Variants in MAGI1 observed in about 807,000 individuals in gnomAD.
The protein encoded by MAGI1 is membrane associated guanylate kinase, WW and PDZ domain containing 1, also known as membrane-associated guanylate kinase, WW and PDZ domain-containing protein 1.
MAGI1 carries 58 observed loss-of-function variants against 139.9 expected under a neutral mutation model. The ratio of observed to expected loss-of-function variants is 0.41; its 90% CI spans 0.34 to 0.52. The LOEUF (loss-of-function observed/expected upper bound fraction) is 0.52. Among genes scored for constraint, MAGI1 ranks in the 20% least tolerant of loss-of-function variants. MAGI1 has a pLI of 0.12. For synonymous variants in MAGI1, 812 were observed against 737.9 expected (o/e 1.10, Z -1.63); for missense variants, 1,874 against 1,901.6 (o/e 0.99, Z 0.27).
intron 1 of MAGI1, among the ~76,000 whole-genome samples, chr3:65,738,967 A>G (rs1350870124): frequency 2.6e-5 from 4 of 152,170 alleles, no homozygotes; most frequent in Non-Finnish European, 5.9e-5. Context: ...GTCACCAGCT[A>G]CGTTACCACC....
chr3:65,601,658 T>A (rs1397015920), intron 2 of MAGI1, among the ~76,000 whole-genome samples: 4 of 152,068 alleles, frequency 2.6e-5, no homozygotes, highest in Non-Finnish European at 4.4e-5. Flanking sequence ...CCTAAAATTA[T>A]AAAACTCTTT....
intron 1 of MAGI1, among the ~76,000 whole-genome samples, chr3:65,791,760 C>G (rs905644604): frequency 2.0e-5 from 3 of 152,062 alleles, no homozygotes; most frequent in African/African-American, 7.2e-5. Context: ...GCCAAATTTT[C>G]TACGTTGAAT....
intron 15 of MAGI1, among the ~76,000 whole-genome samples, chr3:65,382,470 GA>G (rs1262609355): frequency 6.6e-6 from 1 of 152,094 alleles, no homozygotes; most frequent in African/African-American, 2.4e-5. Flanking sequence ...TAGGAATAGG[GA>G]ATCTGTAATA....
At chr3:65,527,839 C>A (rs1433951618) in intron 2 of MAGI1, among the ~76,000 whole-genome samples, 2 of 150,080 alleles carry the variant, frequency 1.3e-5, no homozygotes, top group Non-Finnish European at 3.0e-5. Context: ...TGCTTGAACC[C>A]AGGAGGCAGA....
chr3:65,635,793 C>A (rs762543907), intron 1 of MAGI1, among the ~76,000 whole-genome samples: 1 of 152,214 alleles, frequency 6.6e-6, no homozygotes, highest in Non-Finnish European at 1.5e-5. Flanking sequence ...AATAGATAAT[C>A]TGGATTGCAA....
At chr3:65,911,891 T>C (rs895151815) in intron 1 of MAGI1, among the ~76,000 whole-genome samples, 15 of 152,290 alleles carry the variant, frequency 9.8e-5, no homozygotes, top group Admixed American at 4.6e-4. Context: ...CTGCATTTCA[T>C]TCCTCATTAT....
chr3:65,453,264 C>T lies in MAGI1; in HGVS notation c.1036G>A (p.Asp346Asn). ...KQQKPLEECE[D>N]DEGVHTEELD... Reference sequence around the variant, plus strand: ...GACCTGCCTGGCCCCTTACCATCATCTTCACACTCTTCCAGTGGCTTCTGC... The same window carrying T: ...GACCTGCCTGGCCCCTTACCATCATTTTCACACTCTTCCAGTGGCTTCTGC... Residue 346 changes from aspartate to asparagine, a missense_variant, in exon 6 of 23, where the codon GAT becomes AAT. Around this residue, in one of 5 missense-constraint regions of MAGI1, gnomAD observed 648 missense variants for 598.1 expected, o/e 1.08. Transcript: ENST00000402939. 1 of 1,613,710 alleles carries T rather than the reference C, an allele frequency of 6.2e-7. No homozygotes were observed. The highest frequency in any genetic ancestry group is 8.5e-7 in the Non-Finnish European group (1 of 1,179,914).
At chr3:65,574,474 G>A (rs1217087871) in intron 2 of MAGI1, among the ~76,000 whole-genome samples, 1 of 148,050 alleles carries the variant, frequency 6.8e-6, no homozygotes, top group African/African-American at 2.5e-5. Flanking sequence ...TGTACTGAGA[G>A]AAATTTTAAA....
intron 14 of MAGI1, among the ~76,000 whole-genome samples, chr3:65,385,238 T>C (rs1409485159): frequency 1.3e-5 from 2 of 152,188 alleles, no homozygotes; most frequent in African/African-American, 4.8e-5. Context: ...TACACCACTC[T>C]GTTACTTCAC....
intron 2 of MAGI1, among the ~76,000 whole-genome samples, chr3:65,578,725 G>A (rs1386062840): frequency 6.6e-6 from 1 of 152,130 alleles, no homozygotes; most frequent in Non-Finnish European, 1.5e-5. Context: ...TTCAAGACCA[G>A]CCTGGCCAAT....
chr3:66,012,929 G>A (rs932227301), intron 1 of MAGI1, among the ~76,000 whole-genome samples: 6 of 152,086 alleles, frequency 3.9e-5, no homozygotes, highest in African/African-American at 1.4e-4. Context: ...GGGTTTTACT[G>A]GGAAGCAAAG....
At chr3:65,548,511 C>T (rs202220894) in intron 2 of MAGI1, among the ~76,000 whole-genome samples, 11,215 of 87,398 alleles carry the variant, frequency 0.13, 1,040 homozygotes, top group South Asian at 0.21. Context: ...AAACAACACT[C>T]TTTTTTTTTT....
chr3:65,782,613 CAAAAAAAAAA>C (rs56367932), intron 1 of MAGI1, among the ~76,000 whole-genome samples: 169 of 60,576 alleles, frequency 2.8e-3, no homozygotes, highest in South Asian at 0.014. Context: ...ATTTCTTAAG[CAAAAAAAAAA>C]AAAAAAAAAA....
At chr3:65,838,682 T>G (rs545385174) in intron 1 of MAGI1, among the ~76,000 whole-genome samples, 1 of 152,250 alleles carries the variant, frequency 6.6e-6, no homozygotes, top group Non-Finnish European at 1.5e-5. Flanking sequence ...AAAGCTGCTA[T>G]GGACAATCAT....
chr3:66,020,214 C>G (rs1218735115), intron 1 of MAGI1, among the ~76,000 whole-genome samples: 1 of 152,132 alleles, frequency 6.6e-6, no homozygotes, highest in African/African-American at 2.4e-5. Flanking sequence ...CTGAGGCAGA[C>G]GGATCACTTG....
chr3:65,662,880 AC>A (rs2086278899), intron 1 of MAGI1, among the ~76,000 whole-genome samples: 2 of 152,204 alleles, frequency 1.3e-5, no homozygotes, highest in African/African-American at 2.4e-5. Context: ...CCTGGTAATC[AC>A]TATTCTGCTG....
At chr3:65,442,582 C>T (rs1948419042) in intron 8 of MAGI1, among the ~76,000 whole-genome samples, 1 of 152,120 alleles carries the variant, frequency 6.6e-6, no homozygotes, top group Admixed American at 6.6e-5. Context: ...AGACATGGAT[C>T]CTGCCCATGT....
intron 1 of MAGI1, among the ~76,000 whole-genome samples, chr3:66,014,412 T>C (rs747342889): frequency 1.3e-5 from 2 of 152,188 alleles, no homozygotes; most frequent in African/African-American, 2.4e-5. Context: ...TTATTTAATA[T>C]ATCATCATCT....
intron 2 of MAGI1, among the ~76,000 whole-genome samples, chr3:65,566,655 G>T (rs548436781): frequency 1.3e-5 from 2 of 152,228 alleles, no homozygotes; most frequent in Non-Finnish European, 2.9e-5. Context: ...TTGGAATGTG[G>T]ATCATATAAT....
Sources: allele counts gnomAD v4.1 joint callset (sites outside exome capture counted in the v4.1 genomes callset), GRCh38; gene constraint gnomAD v4.1.1; regional missense constraint gnomAD v4.1.1; transcripts MANE v1.5; gene names NCBI Gene and HGNC (gene_info 2026-07-23, HGNC 2026-07-21).